RAPGEF1: variants seen among roughly 807,000 people sequenced by gnomAD.
The protein encoded by RAPGEF1 is CRK SH3-binding GNRP.
In RAPGEF1, 33 loss-of-function variants were observed where a neutral mutation model predicts 143.3. That is an observed-to-expected ratio of 0.23 (90% CI 0.17 to 0.31). RAPGEF1 has a LOEUF of 0.31. RAPGEF1 is among the 10% of genes least tolerant of loss of function. The pLI, the probability that RAPGEF1 is intolerant of heterozygous loss-of-function variation, is 1.00. For missense variants in RAPGEF1, 1,199 were observed against 1,645.4 expected (o/e 0.73, Z 4.69); for synonymous variants, 629 against 676.5 (o/e 0.93, Z 1.09).
intron 1 of RAPGEF1, among the ~76,000 whole-genome samples, chr9:131,728,430 G>C (rs1012685544): frequency 6.6e-6 from 1 of 152,202 alleles, no homozygotes; most frequent in Non-Finnish European, 1.5e-5. Context: ...ACCTGTTGGT[G>C]TATCAGCCCT....
chr9:131,722,523 C>T (rs1482036658), intron 1 of RAPGEF1, among the ~76,000 whole-genome samples: 3 of 152,196 alleles, frequency 2.0e-5, no homozygotes, highest in East Asian at 1.9e-4. Flanking sequence ...GCACTAACTA[C>T]GCGCCAAGCT....
intron 1 of RAPGEF1, among the ~76,000 whole-genome samples, chr9:131,729,873 A>G (rs1445894886): frequency 2.0e-5 from 3 of 152,216 alleles, no homozygotes; most frequent in Non-Finnish European, 1.5e-5. Context: ...CATCTGGGAA[A>G]AATCTTGGGC....
chr9:131,605,426 T>C (rs896967406), intron 12 of RAPGEF1, among the ~76,000 whole-genome samples: 10 of 152,262 alleles, frequency 6.6e-5, no homozygotes, highest in Admixed American at 3.9e-4. Context: ...CTCAGGGCTA[T>C]CTAAACAGCA....
chr9:131,706,461 G>A (rs1283640769), intron 1 of RAPGEF1, among the ~76,000 whole-genome samples: 2 of 151,866 alleles, frequency 1.3e-5, no homozygotes, highest in Non-Finnish European at 2.9e-5. Flanking sequence ...ATGGGGTTTC[G>A]CCATGCTGCC....
At chr9:131,630,976 T>C (rs574110189) in intron 5 of RAPGEF1, among the ~76,000 whole-genome samples, 1 of 151,978 alleles carries the variant, frequency 6.6e-6, no homozygotes, top group South Asian at 2.1e-4. Context: ...ATGCATTTTT[T>C]CCCAGTTTGA....
intron 19 of RAPGEF1, 83 bp from the exon 20 acceptor site, chr9:131,589,069 G>T: frequency 7.4e-7 from 1 of 1,342,342 alleles, no homozygotes; most frequent in Non-Finnish European, 1.0e-6. Flanking sequence ...CACACAAAGG[G>T]CACGGGGCTG....
chr9:131,704,689 G>A (rs1273969259), intron 1 of RAPGEF1, among the ~76,000 whole-genome samples: 21 of 151,946 alleles, frequency 1.4e-4, no homozygotes, highest in Non-Finnish European at 5.9e-5. Context: ...CTGTACTCCC[G>A]AGAGCCAAAA....
At chr9:131,599,378 C>G (rs967030500) in intron 15 of RAPGEF1, among the ~76,000 whole-genome samples, 3 of 151,052 alleles carry the variant, frequency 2.0e-5, no homozygotes, top group Non-Finnish European at 2.9e-5. Flanking sequence ...GCTTTGGCCT[C>G]TCAAAGTGTT....
At chr9:131,678,016 AT>A (rs1372291645) in intron 1 of RAPGEF1, among the ~76,000 whole-genome samples, 10 of 152,250 alleles carry the variant, frequency 6.6e-5, no homozygotes, top group African/African-American at 2.4e-4. Context: ...TCACCTAATA[AT>A]TAATAGAACA....
In RAPGEF1 at chr9:131,667,963, C is replaced by T. The variant is rs1046515468; in HGVS notation, c.62-17014G>A. 6.6e-6 allele frequency among the ~76,000 whole-genome samples: 1 copy of T among 152,194 alleles called. No homozygotes were observed. Among genetic ancestry groups the T allele is most frequent in the Non-Finnish European group, 1.5e-5 (1 of 68,038 alleles). On this transcript the variant is annotated intron_variant, in intron 1 of 26. Transcript: ENST00000683357. This position sits in a 1 kb window ranked among gnomAD's most constrained non-coding sequence, Gnocchi z 4.6. The stretch of plus-strand genomic sequence containing the variant: ...TGTCATCTGTGGCCACCAGACCGTT[C>T]AAAAATATACTCCTTTTTGGGATAA...
At chr9:131,734,010 A>C (rs1405725381) in intron 1 of RAPGEF1, among the ~76,000 whole-genome samples, 1 of 152,202 alleles carries the variant, frequency 6.6e-6, no homozygotes, top group Non-Finnish European at 1.5e-5. Flanking sequence ...GCTATTTCTT[A>C]TCTCTCTACA....
intron 1 of RAPGEF1, among the ~76,000 whole-genome samples, chr9:131,712,623 T>G (rs1283473902): frequency 6.6e-6 from 1 of 152,182 alleles, no homozygotes; most frequent in Non-Finnish European, 1.5e-5. Context: ...TGGGTCACAG[T>G]TACAGAACCT....
At position 131,603,944 on chromosome 9, in the gene RAPGEF1, C is replaced by T. The variant is rs779665169; in HGVS notation, c.2412+17G>A. The T allele has an allele frequency of 5.4e-6, 7 of 1,301,386 alleles. No individual in the cohort carries two copies. The highest frequency in any genetic ancestry group is 1.2e-5 in the South Asian group (1 of 81,354). 80.6% of individuals were successfully genotyped at this position (1,301,386 alleles called of 1,614,324 possible). ...CCAGGCCAGGCCACATGCAGGAGGCCGCCCGAGGTTACTTACTCCTCGAGA... is the reference window on the plus strand; with the variant it reads ...CCAGGCCAGGCCACATGCAGGAGGCTGCCCGAGGTTACTTACTCCTCGAGA... On this transcript the variant is annotated intron_variant, in intron 14 of 26. Transcript: ENST00000683357.
chr9:131,642,542 C>A (rs187680011), intron 4 of RAPGEF1, among the ~76,000 whole-genome samples: 1 of 152,236 alleles, frequency 6.6e-6, no homozygotes, highest in Non-Finnish European at 1.5e-5. Flanking sequence ...CTCCTGAACA[C>A]GTGCCTGCTT....
intron 1 of RAPGEF1, chr9:131,737,431 G>C (rs1420180583): frequency 6.2e-7 from 1 of 1,613,820 alleles, no homozygotes; most frequent in African/African-American, 1.3e-5. Flanking sequence ...ACGGTCGCTC[G>C]GTCTGGCAGC....
At chr9:131,668,911 G>A (rs56200792) in intron 1 of RAPGEF1, among the ~76,000 whole-genome samples, 36,828 of 152,244 alleles carry the variant, frequency 0.24, 4,858 homozygotes, top group Non-Finnish European at 0.3. Context: ...GGCAGCCTCC[G>A]TGGCTCAGAG....
rs1295904375 is a variant in RAPGEF1 at position 131,621,212 on chromosome 9, T to C, written c.1905+584A>G. On this transcript the variant is annotated intron_variant, in intron 11 of 26. Coordinates refer to ENST00000683357, the MANE Select transcript of RAPGEF1 (RefSeq NM_001377935.1). This position sits in a 1 kb window ranked among gnomAD's most constrained non-coding sequence, Gnocchi z 4.5. ...CTGTGCTGGCCCGTGCTTCCTTACA[T>C]GCACAGGAGTCCTTAGCACACGAGT... Among the ~76,000 whole-genome samples the C allele has an allele frequency of 6.6e-6, 1 of 152,218 alleles. No homozygotes were observed. Among genetic ancestry groups the C allele is most frequent in the Non-Finnish European group, 1.5e-5 (1 of 68,036 alleles).
chr9:131,697,926 A>G (rs1834314968), intron 1 of RAPGEF1, among the ~76,000 whole-genome samples: 1 of 152,174 alleles, frequency 6.6e-6, no homozygotes, highest in African/African-American at 2.4e-5. Flanking sequence ...GGGCCAGGAT[A>G]AAGGCAGACA....
Position 131,626,274 on chromosome 9 carries a change from A to C in RAPGEF1, c.1350T>G (p.Pro450=). The change falls in exon 10 of 27, where the codon CCT becomes CCG. Residue 450 remains proline (P), a synonymous_variant. Transcript: ENST00000683357. ...CGTCTGGCTGGGGATGGCCGCCAAG[A>C]GGCAGCTGGAAAGGAGGGCCAAGAA... ...SPFLGPPFQL[P]LGGHPQPDGP... 1 of 1,613,948 alleles carries C rather than the reference A, an allele frequency of 6.2e-7. No individual in the cohort carries two copies. Among genetic ancestry groups the C allele is most frequent in the East Asian group, 2.2e-5 (1 of 44,884 alleles).
Sources: allele counts gnomAD v4.1 joint callset (sites outside exome capture counted in the v4.1 genomes callset), GRCh38; gene constraint gnomAD v4.1.1; non-coding constraint Gnocchi (gnomAD v3.1); transcripts MANE v1.5; gene names NCBI Gene and HGNC (gene_info 2026-07-23, HGNC 2026-07-21).